The following TACR1 variants were observed in gnomAD, a reference collection of about 807,000 sequenced individuals.
TACR1 encodes the protein substance-P receptor.
A neutral mutation model predicts 35.8 loss-of-function variants in TACR1; 25 were observed. The observed-to-expected ratio is 0.70, with a 90% CI of 0.51 to 0.98. The LOEUF (loss-of-function observed/expected upper bound fraction) is 0.98, where lower values mean the gene tolerates loss of function less well. Ranked by LOEUF, TACR1 falls within the 50% of genes least tolerant of loss-of-function variation. TACR1 has a pLI of 0.00. For missense variants in TACR1, 478 were observed against 522.9 expected (o/e 0.91, Z 0.84); for synonymous variants, 195 against 206.7 (o/e 0.94, Z 0.48).
chr2:75,066,256 G>A (rs1240231169), intron 2 of TACR1, among the ~76,000 whole-genome samples: 1 of 152,158 alleles, frequency 6.6e-6, no homozygotes, highest in Non-Finnish European at 1.5e-5. Flanking sequence ...AAAAATTAAG[G>A]TGTAAGGAAG....
chr2:75,122,688 A>G (rs965654053), intron 1 of TACR1, among the ~76,000 whole-genome samples: 6 of 152,176 alleles, frequency 3.9e-5, no homozygotes, highest in African/African-American at 1.4e-4. Context: ...TCTCTGGGCA[A>G]GTTTCCCTGG....
chr2:75,098,715 G>T (rs1200367022), intron 2 of TACR1, among the ~76,000 whole-genome samples: 1 of 152,040 alleles, frequency 6.6e-6, no homozygotes, highest in African/African-American at 2.4e-5. Flanking sequence ...CAACTTCTGG[G>T]TTGGTCCCAT....
chr2:75,046,709 C>G lies in TACR1; in HGVS notation c.*2723G>C, dbSNP rs1342013386. On this transcript the variant is annotated 3_prime_UTR_variant, in exon 5 of 5. Transcript: ENST00000305249. ...GCTTCTCCGATAAAGGCCCCCCCAC[C>G]GCCCCTCAATTACTGTGGTCTAGGA... 1 of 152,284 alleles carries G rather than the reference C, an allele frequency of 6.6e-6. No individual in the cohort carries two copies. The highest frequency in any genetic ancestry group is 1.5e-5 in the Non-Finnish European group (1 of 68,184). 9.4% of individuals were successfully genotyped at this position (152,284 alleles called of 1,614,324 possible).
chr2:75,070,249 GTGTA>G lies in TACR1; in HGVS notation c.585-16498_585-16495del, dbSNP rs1346899859. Among the ~76,000 whole-genome samples the G allele has an allele frequency of 4.1e-3, 404 of 97,790 alleles. 2 individuals carry two copies. The highest frequency in any genetic ancestry group is 0.012 in the Admixed American group (88 of 7,636). The allele number at this position is 97,790 out of a possible 152,430, so 64.2% of individuals were successfully genotyped here. A position where few individuals can be genotyped will look rare whatever the true frequency, so the allele number is the denominator to read the frequency against. On this transcript the variant is annotated intron_variant, in intron 2 of 4. Coordinates refer to ENST00000305249, the MANE Select transcript of TACR1 (RefSeq NM_001058.4). The stretch of plus-strand genomic sequence containing the variant: ...TGTGTGTGTATGTGTGTGTGTGTGT[GTGTA>G]TGTGTGTGTGTGTGTGTTTTGAGCA...
intron 1 of TACR1, chr2:75,189,328 G>T (rs1417367504): frequency 6.6e-6 from 1 of 152,194 alleles, no homozygotes; most frequent in Non-Finnish European, 1.5e-5. Context: ...AACCTCAGCT[G>T]CCTCTTACAG....
chr2:75,052,874 C>T (rs1258803119), intron 3 of TACR1, among the ~76,000 whole-genome samples: 4 of 151,990 alleles, frequency 2.6e-5, no homozygotes, highest in African/African-American at 7.3e-5. Context: ...TCGTTTTGAA[C>T]TAATTGAAGG....
At chr2:75,058,786 T>C (rs1327220228) in intron 2 of TACR1, among the ~76,000 whole-genome samples, 1 of 152,266 alleles carries the variant, frequency 6.6e-6, no homozygotes, top group Non-Finnish European at 1.5e-5. Flanking sequence ...GATTCCCTTG[T>C]CCTTAATGCC....
At chr2:75,106,252 A>C (rs1383475627) in intron 2 of TACR1, among the ~76,000 whole-genome samples, 1 of 152,048 alleles carries the variant, frequency 6.6e-6, no homozygotes, top group South Asian at 2.1e-4. Context: ...TTATTTCAAA[A>C]AAATTATTAA....
intron 1 of TACR1, among the ~76,000 whole-genome samples, chr2:75,137,199 A>G (rs1188161386): frequency 6.6e-6 from 1 of 152,222 alleles, no homozygotes; most frequent in Non-Finnish European, 1.5e-5. Context: ...CACTAGACAC[A>G]TGACAGATTT....
chr2:75,167,366 G>C (rs1048974691), intron 1 of TACR1, among the ~76,000 whole-genome samples: 10 of 152,062 alleles, frequency 6.6e-5, no homozygotes, highest in Non-Finnish European at 4.4e-5. Context: ...TATATAGGAG[G>C]GTGGCAGAAG....
At chr2:75,194,158 G>A (rs1297102076) in intron 1 of TACR1, among the ~76,000 whole-genome samples, 1 of 152,186 alleles carries the variant, frequency 6.6e-6, no homozygotes, top group Non-Finnish European at 1.5e-5. Flanking sequence ...GCTCCCAGGA[G>A]TAGGGAGAGA....
intron 2 of TACR1, among the ~76,000 whole-genome samples, chr2:75,117,857 G>A (rs558980412): frequency 5.9e-5 from 9 of 152,222 alleles, no homozygotes; most frequent in South Asian, 4.2e-4. Context: ...CAGAATGGTC[G>A]TATGAATACT....
At chr2:75,070,003 T>C (rs1344535922) in intron 2 of TACR1, among the ~76,000 whole-genome samples, 1 of 152,170 alleles carries the variant, frequency 6.6e-6, no homozygotes, top group Non-Finnish European at 1.5e-5. Flanking sequence ...AAGACAGATA[T>C]CTGTATGAAA....
At chr2:75,103,802 G>T (rs183522556) in intron 2 of TACR1, among the ~76,000 whole-genome samples, 28 of 152,188 alleles carry the variant, frequency 1.8e-4, no homozygotes, top group Admixed American at 1.6e-3. Flanking sequence ...TGGTGGAGTA[G>T]GGGATACAAG....
In TACR1 at chr2:75,053,592, G is replaced by A. The variant is rs767297608; in HGVS notation, c.735+13C>T. On this transcript the variant is annotated intron_variant, in intron 3 of 4. Transcript: ENST00000305249. ...GTGCCAGGGTGGGTTAGTTCTGCCT[G>A]TCCCCTGCTCACCTTGCGCTTGGCA... 1 of 1,515,842 alleles carries A rather than the reference G, an allele frequency of 6.6e-7. No homozygotes were observed. The highest frequency in any genetic ancestry group is 8.8e-7 in the Non-Finnish European group (1 of 1,132,558). The allele number at this position is 1,515,842 out of a possible 1,614,324, so 93.9% of individuals were successfully genotyped here. A position where few individuals can be genotyped will look rare whatever the true frequency, so the allele number is the denominator to read the frequency against.
intron 2 of TACR1, among the ~76,000 whole-genome samples, chr2:75,110,506 A>G (rs1032814647): frequency 7.2e-5 from 11 of 152,158 alleles, no homozygotes; most frequent in East Asian, 1.9e-4. Context: ...ATAATTTTCC[A>G]GACTTTTTAC....
chr2:75,127,660 A>G (rs1674099162), intron 1 of TACR1, among the ~76,000 whole-genome samples: 1 of 152,190 alleles, frequency 6.6e-6, no homozygotes, highest in South Asian at 2.1e-4. Context: ...CTCATGTGTG[A>G]TCAAACAGTG....
intron 2 of TACR1, among the ~76,000 whole-genome samples, chr2:75,094,323 G>A (rs547736927): frequency 3.4e-4 from 52 of 152,186 alleles, no homozygotes; most frequent in African/African-American, 1.1e-3. Flanking sequence ...ATGGAATTTC[G>A]TCGGGTAAAG....
At chr2:75,175,137 T>C (rs182411570) in intron 1 of TACR1, among the ~76,000 whole-genome samples, 1 of 152,220 alleles carries the variant, frequency 6.6e-6, no homozygotes, top group East Asian at 1.9e-4. Context: ...AGATGGTGAG[T>C]ACTTCCTTTT....
Sources: allele counts gnomAD v4.1 joint callset (sites outside exome capture counted in the v4.1 genomes callset), GRCh38; gene constraint gnomAD v4.1.1; transcripts MANE v1.5; gene names NCBI Gene and HGNC (gene_info 2026-07-23, HGNC 2026-07-21).